GALNT13: variants seen among roughly 807,000 people sequenced by gnomAD.
GALNT13 encodes polypeptide N-acetylgalactosaminyltransferase 13.
In GALNT13, 28 loss-of-function variants were observed where a neutral mutation model predicts 64.2. The observed-to-expected ratio is 0.44, with a 90% CI of 0.32 to 0.60. The LOEUF is 0.60. Among genes scored for constraint, GALNT13 ranks in the 20% least tolerant of loss-of-function variants. The pLI is 0.05. For missense variants in GALNT13, 577 were observed against 669.8 expected, an observed-to-expected ratio of 0.86 and a Z score of 1.53; for synonymous variants, 214 against 224.6, an observed-to-expected ratio of 0.95 and a Z score of 0.42.
At chr2:153,478,249 A>G in the GALNT13 span, 3 of 1,612,392 alleles carry the variant, frequency 1.9e-6, no homozygotes, top group African/African-American at 2.7e-5. Context: ...GTAGGGCCCC[A>G]CGACCACCGC....
At chr2:153,264,854 G>A in the GALNT13 span, among the ~76,000 whole-genome samples, 1 of 152,154 alleles carries the variant, frequency 6.6e-6, no homozygotes, top group Non-Finnish European at 1.5e-5. Context: ...TAATACCTAG[G>A]TGATGGGTTG....
At chr2:153,237,206 T>A in the GALNT13 span, among the ~76,000 whole-genome samples, 126,045 of 151,662 alleles carry the variant, frequency 0.83, 53,579 homozygotes, top group African/African-American at 0.93. Flanking sequence ...CTCTTAAAAA[T>A]TTTTTTGGGT....
chr2:153,465,054 A>G, the GALNT13 span, among the ~76,000 whole-genome samples: 2 of 152,112 alleles, frequency 1.3e-5, no homozygotes, highest in Admixed American at 6.5e-5. Flanking sequence ...GGTGAAGTCT[A>G]TTACCTCCTC....
the GALNT13 span, among the ~76,000 whole-genome samples, chr2:153,709,636 T>C: frequency 2.0e-5 from 3 of 151,990 alleles, no homozygotes; most frequent in Admixed American, 6.6e-5. Context: ...AATCTCACTT[T>C]TGGGTATTTA....
the GALNT13 span, among the ~76,000 whole-genome samples, chr2:153,630,214 C>T: frequency 6.6e-6 from 1 of 152,000 alleles, no homozygotes; most frequent in African/African-American, 2.4e-5. Flanking sequence ...TTTATTGCAG[C>T]ACTATTCACA....
At position 154,185,450 on chromosome 2, in the gene GALNT13, C is replaced by G. The variant is rs75581237; in HGVS notation, c.311+44945C>G. Among the ~76,000 whole-genome samples, 783 of 152,020 alleles carry G rather than the reference C, an allele frequency of 5.2e-3. 6 individuals carry two copies. Among genetic ancestry groups the G allele is most frequent in the Middle Eastern group, 0.02 (6 of 294 alleles). ...TTAAATAAGCTTTCTACACCTTTCTCTTTCTCTATCCCTTCCGAGATTCTC... is the reference window on the plus strand; with the variant it reads ...TTAAATAAGCTTTCTACACCTTTCTGTTTCTCTATCCCTTCCGAGATTCTC... On this transcript the variant is annotated intron_variant, in intron 4 of 12. Coordinates refer to ENST00000392825, the MANE Select transcript of GALNT13 (RefSeq NM_052917.4).
At chr2:153,217,099 A>G in the GALNT13 span, among the ~76,000 whole-genome samples, 1 of 151,966 alleles carries the variant, frequency 6.6e-6, no homozygotes, top group Non-Finnish European at 1.5e-5. Context: ...TGTACCTTGT[A>G]CCAAAGTTCA....
chr2:153,673,901 C>T, the GALNT13 span, among the ~76,000 whole-genome samples: 3 of 152,176 alleles, frequency 2.0e-5, no homozygotes, highest in Admixed American at 6.5e-5. Flanking sequence ...CATTCCTATA[C>T]ACCAGTAACA....
At chr2:153,248,641 A>G in the GALNT13 span, among the ~76,000 whole-genome samples, 125,726 of 150,768 alleles carry the variant, frequency 0.83, 53,650 homozygotes, top group African/African-American at 0.93. Context: ...GTGAAACGCC[A>G]TCTCTACTAA....
chr2:153,386,059 C>T, the GALNT13 span, among the ~76,000 whole-genome samples: 1 of 151,852 alleles, frequency 6.6e-6, no homozygotes, highest in Non-Finnish European at 1.5e-5. Context: ...CCTATTTTCC[C>T]TTAAGAGATT....
chr2:153,931,809 G>A (rs555364536), intron 2 of GALNT13, among the ~76,000 whole-genome samples: 48 of 152,170 alleles, frequency 3.2e-4, no homozygotes, highest in South Asian at 4.2e-4. Flanking sequence ...AGGGATATTG[G>A]CCTGATATTT....
upstream of GALNT13, among the ~76,000 whole-genome samples, chr2:153,869,795 C>A (rs958882717): frequency 1.3e-5 from 2 of 152,068 alleles, no homozygotes; most frequent in African/African-American, 4.8e-5. Context: ...ATTATAGTTT[C>A]TCCCATCAAG....
chr2:153,823,127 G>T, the GALNT13 span, among the ~76,000 whole-genome samples: 1 of 151,926 alleles, frequency 6.6e-6, no homozygotes, highest in South Asian at 2.1e-4. Flanking sequence ...ATCATAAATG[G>T]CACAAACAAA....
chr2:153,235,912 G>T, the GALNT13 span, among the ~76,000 whole-genome samples: 1 of 152,206 alleles, frequency 6.6e-6, no homozygotes, highest in African/African-American at 2.4e-5. Flanking sequence ...TAGACTGAAA[G>T]CTAGGCCTCT....
chr2:153,873,351 A>C (rs1035096122), intron 1 of GALNT13, among the ~76,000 whole-genome samples: 1 of 152,212 alleles, frequency 6.6e-6, no homozygotes, highest in Non-Finnish European at 1.5e-5. Context: ...ACCTGAGCGC[A>C]CTGAGGCTGC....
the GALNT13 span, among the ~76,000 whole-genome samples, chr2:153,403,704 G>T: frequency 1.7e-4 from 26 of 152,274 alleles, no homozygotes; most frequent in African/African-American, 6.3e-4. Context: ...GGTGCTGTCC[G>T]TCACCCCTTT....
At chr2:154,126,161 C>G (rs983696165) in intron 3 of GALNT13, among the ~76,000 whole-genome samples, 2 of 152,004 alleles carry the variant, frequency 1.3e-5, no homozygotes, top group Non-Finnish European at 2.9e-5. Flanking sequence ...TACTTTTTCC[C>G]AAGACCACAT....
intron 4 of GALNT13, among the ~76,000 whole-genome samples, chr2:154,233,833 G>C (rs1247700896): frequency 6.6e-6 from 1 of 152,120 alleles, no homozygotes; most frequent in Non-Finnish European, 1.5e-5. Flanking sequence ...GGGGGTGCAA[G>C]ATGGCAGATA....
chr2:153,175,908 G>A, the GALNT13 span, among the ~76,000 whole-genome samples: 1 of 152,090 alleles, frequency 6.6e-6, no homozygotes, highest in Non-Finnish European at 1.5e-5. Context: ...TCACTGGGGG[G>A]AGTAGAAGTC....
Sources: allele counts gnomAD v4.1 joint callset (sites outside exome capture counted in the v4.1 genomes callset), GRCh38; gene constraint gnomAD v4.1.1; transcripts MANE v1.5; gene names NCBI Gene and HGNC (gene_info 2026-07-23, HGNC 2026-07-21).